The following PARP9 variants were observed in gnomAD, a reference collection of about 807,000 sequenced individuals.
PARP9 encodes protein mono-ADP-ribosyltransferase PARP9.
A neutral mutation model predicts 68.8 loss-of-function variants in PARP9; 48 were observed. The observed-to-expected ratio is 0.70, with a 90% CI of 0.55 to 0.89. The LOEUF is 0.89. Ranked by LOEUF, PARP9 falls within the 40% of genes least tolerant of loss-of-function variation. The pLI is 0.00. For missense variants in PARP9, 806 were observed against 969.3 expected, an observed-to-expected ratio of 0.83 and a Z score of 2.24; for synonymous variants, 309 against 333.8, an observed-to-expected ratio of 0.93 and a Z score of 0.81.
intron 6 of PARP9, among the ~76,000 whole-genome samples, chr3:122,548,136 C>G (rs950310988): frequency 6.6e-6 from 1 of 152,194 alleles, no homozygotes; most frequent in African/African-American, 2.4e-5. Flanking sequence ...ATATCAACAG[C>G]TTGAAAGCAG....
At chr3:122,551,017 T>C (rs1559855719) in intron 5 of PARP9, among the ~76,000 whole-genome samples, 1 of 152,198 alleles carries the variant, frequency 6.6e-6, no homozygotes. Context: ...AGTGGCCATC[T>C]TGTGCTATTC....
At chr3:122,540,387 A>G (rs967540042) in intron 8 of PARP9, 85 bp downstream of exon 8, 3 of 1,483,968 alleles carry the variant, frequency 2.0e-6, no homozygotes, top group Non-Finnish European at 1.8e-6. Flanking sequence ...TCTGTCTCTT[A>G]CCCACATCCA....
chr3:122,539,525 T>TTCTC (rs1287083927), intron 8 of PARP9, among the ~76,000 whole-genome samples: 38 of 32,498 alleles, frequency 1.2e-3, no homozygotes, highest in Non-Finnish European at 1.6e-3. Flanking sequence ...CTTTCTTTCT[T>TTCTC]TCTTTCTTTC....
At position 122,562,178 on chromosome 3, in the gene PARP9, C is replaced by CTTTTCTT. The variant is rs1553722246; in HGVS notation, c.-90+2060_-90+2066dup. Among the ~76,000 whole-genome samples the CTTTTCTT allele has an allele frequency of 4.2e-5, 6 of 143,278 alleles. 1 individual carries two copies. The highest frequency in any genetic ancestry group is 1.5e-4 in the African/African-American group (6 of 39,044). 94.0% of individuals were successfully genotyped at this position (143,278 alleles called of 152,430 possible). A position where few individuals can be genotyped will look rare whatever the true frequency, so the allele number is the denominator to read the frequency against. On this transcript the variant is annotated intron_variant, in intron 1 of 10. Coordinates refer to ENST00000682323, the MANE Select transcript of PARP9 (RefSeq NM_001146105.2). ...ATACTCTTTTCTTTTCTTTTCTTTTCTTTTCTTTTCTTTTCTTTTCTTTTC... is the reference window on the plus strand; with the variant it reads ...ATACTCTTTTCTTTTCTTTTCTTTTCTTTTCTTTTTTCTTTTCTTTTCTTTTCTTTTC...
chr3:122,546,790 C>T (rs1250440356), intron 6 of PARP9, among the ~76,000 whole-genome samples: 1 of 151,678 alleles, frequency 6.6e-6, no homozygotes, highest in African/African-American at 2.4e-5. Context: ...TGAGGGCAGA[C>T]AGACACCAAG....
intron 9 of PARP9, chr3:122,536,599 C>A: frequency 1.7e-6 from 1 of 598,492 alleles, no homozygotes; most frequent in Non-Finnish European, 2.8e-6. Flanking sequence ...AGTCTCTGCC[C>A]TCTTAAGCTC....
At chr3:122,549,536 T>A (rs1559850675) in intron 6 of PARP9, among the ~76,000 whole-genome samples, 1 of 152,040 alleles carries the variant, frequency 6.6e-6, no homozygotes. Context: ...ATCCCAGAGC[T>A]TTGGGAGGCT....
intron 6 of PARP9, among the ~76,000 whole-genome samples, chr3:122,548,626 G>A (rs1309906843): frequency 6.6e-6 from 1 of 152,186 alleles, no homozygotes; most frequent in African/African-American, 2.4e-5. Flanking sequence ...TAATTATGCT[G>A]AAAATATCAC....
intron 10 of PARP9, chr3:122,534,564 G>A (rs1162501054): frequency 1.8e-6 from 1 of 558,398 alleles, no homozygotes; most frequent in Non-Finnish European, 2.3e-6. Context: ...GTTGGGGGCA[G>A]TATCTTGCCT....
At chr3:122,558,735 A>C (rs1033926540) in intron 2 of PARP9, among the ~76,000 whole-genome samples, 1 of 152,080 alleles carries the variant, frequency 6.6e-6, no homozygotes. Context: ...TTTCGAGACA[A>C]GGTTTCACTC....
intron 7 of PARP9, among the ~76,000 whole-genome samples, chr3:122,543,644 T>C (rs915005359): frequency 6.6e-6 from 1 of 152,082 alleles, no homozygotes; most frequent in Non-Finnish European, 1.5e-5. Flanking sequence ...ATTTTGTTTA[T>C]TTGTCACCCA....
intron 7 of PARP9, among the ~76,000 whole-genome samples, chr3:122,542,288 G>C (rs1212685794): frequency 7.7e-6 from 1 of 129,184 alleles, no homozygotes; most frequent in Middle Eastern, 4.6e-3. Context: ...TTTAGAGACA[G>C]GGTGTCACTA....
chr3:122,528,808 G>A (rs1423970894), intron 10 of PARP9, 65 bp from the exon 11 acceptor site: 12 of 1,367,708 alleles, frequency 8.8e-6, no homozygotes, highest in African/African-American at 1.5e-5. Context: ...GCCGATTTGG[G>A]TACTAATATC....
Position 122,535,110 on chromosome 3 carries a change from A to G in PARP9, c.2080+1058T>C, listed in dbSNP as rs1011896403. 3 of 983,968 alleles carry G rather than the reference A, an allele frequency of 3.0e-6. No individual in the cohort carries two copies. In the African/African-American group the frequency reaches 5.2e-5, roughly 17 times the overall value. The allele number at this position is 983,968 out of a possible 1,614,324, so 61.0% of individuals were successfully genotyped here. On this transcript the variant is annotated intron_variant, in intron 10 of 10. Coordinates refer to ENST00000682323, the MANE Select transcript of PARP9 (RefSeq NM_001146105.2). ...CACAGCGATGATCTTAATGAAAGTA[A>G]TTTAAGTAGAAGTAGTGGGTGGGGA...
At chr3:122,539,506 C>CCTTTCTTTCTTTCTTTCTTTCTTT (rs1559818279) in intron 8 of PARP9, among the ~76,000 whole-genome samples, 6 of 125,904 alleles carry the variant, frequency 4.8e-5, no homozygotes, top group African/African-American at 1.5e-4. Context: ...CCCAAGATGG[C>CCTTTCTTTCTTTCTTTCTTTCTTT]ATTTCTTTCT....
chr3:122,539,507 A>ATTTCTTTCTCTC (rs2077942004), intron 8 of PARP9, among the ~76,000 whole-genome samples: 1 of 133,162 alleles, frequency 7.5e-6, no homozygotes, highest in African/African-American at 2.9e-5. Context: ...CCAAGATGGC[A>ATTTCTTTCTCTC]TTTCTTTCTT....
chr3:122,563,708 T>A (rs2080435043), intron 1 of PARP9, among the ~76,000 whole-genome samples: 1 of 151,798 alleles, frequency 6.6e-6, no homozygotes, highest in Admixed American at 6.6e-5. Context: ...TTCCCCCCAA[T>A]CCTGTCCTCC....
chr3:122,551,451 A>G (rs2079193151), intron 5 of PARP9, among the ~76,000 whole-genome samples: 2 of 152,100 alleles, frequency 1.3e-5, no homozygotes, highest in African/African-American at 4.8e-5. Context: ...CCCTCTTTTC[A>G]CCATCTGAGT....
chr3:122,555,657 G>A lies in PARP9; in HGVS notation c.514C>T (p.Gln172Ter). Reference sequence around the variant, plus strand: ...CTCTGCAGCTTTCCAGTACATCCCTGTTTATCCCATTCCATCCACCGAGGC... The same window carrying A: ...CTCTGCAGCTTTCCAGTACATCCCTATTTATCCCATTCCATCCACCGAGGC... Reference protein sequence around the residue: ...VGPRWMEWDKQGCTGKLQRAI... With the variant: ...VGPRWMEWDK The change falls in exon 4 of 11, where the codon CAG becomes TAG. Residue 172 changes from glutamine (Q) to a stop codon, truncating the protein, a stop_gained. Transcript: ENST00000682323. LOFTEE classifies it high-confidence loss of function. 1 of 1,613,998 alleles carries A rather than the reference G, an allele frequency of 6.2e-7. No individual in the cohort carries two copies. Among genetic ancestry groups the A allele is most frequent in the Non-Finnish European group, 8.5e-7 (1 of 1,179,984 alleles).
Sources: allele counts gnomAD v4.1 joint callset (sites outside exome capture counted in the v4.1 genomes callset), GRCh38; gene constraint gnomAD v4.1.1; transcripts MANE v1.5; gene names NCBI Gene and HGNC (gene_info 2026-07-23, HGNC 2026-07-21).